AKR1C8: variants seen among roughly 807,000 people sequenced by gnomAD.
AKR1C8 encodes aldo-keto reductase family 1 member C8.
the AKR1C8 span, among the ~76,000 whole-genome samples, chr10:5,178,422 G>A: frequency 1.3e-5 from 2 of 152,130 alleles, no homozygotes; most frequent in African/African-American, 4.8e-5. Context: ...TTTTGGAATA[G>A]GTGTGGTGTG....
chr10:5,165,436 C>T, the AKR1C8 span, among the ~76,000 whole-genome samples: 1 of 152,182 alleles, frequency 6.6e-6, no homozygotes, highest in East Asian at 1.9e-4. Context: ...GCCCTTTGCT[C>T]AAAACCTCTA....
At chr10:5,165,863 T>TCTAGAAAGACACAGAA in the AKR1C8 span, among the ~76,000 whole-genome samples, 1 of 151,856 alleles carries the variant, frequency 6.6e-6, no homozygotes, top group Non-Finnish European at 1.5e-5. Context: ...ATCTAAGAAA[T>TCTAGAAAGACACAGAA]CTAGAAAGAC....
the AKR1C8 span, among the ~76,000 whole-genome samples, chr10:5,169,023 T>C: frequency 6.6e-6 from 1 of 151,926 alleles, no homozygotes; most frequent in East Asian, 1.9e-4. Flanking sequence ...TGAGGGACAA[T>C]TAATCTTAAA....
At chr10:5,158,626 G>A in the AKR1C8 span, 2 of 480,348 alleles carry the variant, frequency 4.2e-6, no homozygotes, top group Admixed American at 2.3e-5. Flanking sequence ...GGGATCCCAG[G>A]GCACTGTAGG....
chr10:5,135,753 C>G, the AKR1C8 span, among the ~76,000 whole-genome samples: 1 of 67,758 alleles, frequency 1.5e-5, no homozygotes, highest in African/African-American at 7.9e-5. Context: ...ACATCTTTCT[C>G]TCACATGATG....
the AKR1C8 span, among the ~76,000 whole-genome samples, chr10:5,167,433 A>G: frequency 6.6e-6 from 1 of 152,252 alleles, no homozygotes; most frequent in Non-Finnish European, 1.5e-5. Context: ...GCACCTATAC[A>G]GCATGGAATA....
chr10:5,183,041 G>GA, the AKR1C8 span, among the ~76,000 whole-genome samples: 2 of 152,026 alleles, frequency 1.3e-5, no homozygotes, highest in African/African-American at 2.4e-5. Context: ...GAACTAGAGA[G>GA]AAAAATAGTG....
chr10:5,154,127 C>T, the AKR1C8 span: 1 of 468,650 alleles, frequency 2.1e-6, no homozygotes, highest in Non-Finnish European at 4.4e-6. Flanking sequence ...TGGTAATGTT[C>T]AATAGCTCAT....
the AKR1C8 span, chr10:5,158,523 A>T: frequency 9.8e-6 from 4 of 409,144 alleles, no homozygotes; most frequent in Non-Finnish European, 2.0e-5. Flanking sequence ...TACAATTTTT[A>T]AAACTTCGCT....
At chr10:5,130,560 TAAAC>T in the AKR1C8 span, among the ~76,000 whole-genome samples, 5 of 151,930 alleles carry the variant, frequency 3.3e-5, no homozygotes, top group African/African-American at 9.7e-5. Context: ...CTAGATTTGA[TAAAC>T]AAATTCAGTA....
At chr10:5,127,722 C>CAAAAAA in the AKR1C8 span, among the ~76,000 whole-genome samples, 20 of 79,662 alleles carry the variant, frequency 2.5e-4, no homozygotes, top group East Asian at 3.7e-4. Flanking sequence ...AAGACTCTGT[C>CAAAAAA]AAAAAAAAAA....
At chr10:5,116,022 G>C in the AKR1C8 span, among the ~76,000 whole-genome samples, 5 of 152,212 alleles carry the variant, frequency 3.3e-5, no homozygotes, top group African/African-American at 4.8e-5. Context: ...TCCTGGTGGA[G>C]TGACCCAAAC....
the AKR1C8 span, among the ~76,000 whole-genome samples, chr10:5,138,404 C>T: frequency 6.6e-6 from 1 of 152,102 alleles, no homozygotes; most frequent in Non-Finnish European, 1.5e-5. Flanking sequence ...AAAAATATGG[C>T]TCTTTTTGCC....
At chr10:5,134,719 A>G in the AKR1C8 span, among the ~76,000 whole-genome samples, 1 of 152,180 alleles carries the variant, frequency 6.6e-6, no homozygotes, top group Non-Finnish European at 1.5e-5. Flanking sequence ...CCCCGTCTCC[A>G]GACACTGTTA....
At chr10:5,173,540 C>T in the AKR1C8 span, among the ~76,000 whole-genome samples, 1 of 151,768 alleles carries the variant, frequency 6.6e-6, no homozygotes, top group Admixed American at 6.6e-5. Context: ...AACTAGAAAA[C>T]CTGAACATAA....
chr10:5,116,484 G>C, the AKR1C8 span, among the ~76,000 whole-genome samples: 1 of 152,082 alleles, frequency 6.6e-6, no homozygotes, highest in African/African-American at 2.4e-5. Context: ...CTGGCTATGA[G>C]AGAAAGAGTA....
At chr10:5,163,023 A>G in the AKR1C8 span, 1 of 532,814 alleles carries the variant, frequency 1.9e-6, no homozygotes, top group Non-Finnish European at 3.9e-6. Flanking sequence ...TTGGGAGTCT[A>G]TAAGACAGGA....
chr10:5,160,786 T>G, the AKR1C8 span: 1 of 471,068 alleles, frequency 2.1e-6, no homozygotes, highest in Non-Finnish European at 4.4e-6. Flanking sequence ...TACACAGTGC[T>G]GCCTGGTGTC....
At chr10:5,154,235 T>G in the AKR1C8 span, 1,585 of 465,046 alleles carry the variant, frequency 3.4e-3, 20 homozygotes, top group African/African-American at 0.029. Context: ...TGTCAAAGAG[T>G]TTTTCTGAAG....
Sources: allele counts gnomAD v4.1 joint callset (sites outside exome capture counted in the v4.1 genomes callset), GRCh38; gene constraint gnomAD v4.1.1; transcripts MANE v1.5; gene names NCBI Gene and HGNC (gene_info 2026-07-23, HGNC 2026-07-21).